FOXP1: variants seen among roughly 807,000 people sequenced by gnomAD.
FOXP1 encodes forkhead box protein P1.
Under a neutral mutation model 98.2 loss-of-function variants are expected in FOXP1, and 15 were observed. The ratio of observed to expected loss-of-function variants is 0.15; its 90% confidence interval spans 0.10 to 0.24. The LOEUF (loss-of-function observed/expected upper bound fraction) is 0.24, where lower values mean the gene tolerates loss of function less well. Ranked by LOEUF, FOXP1 falls within the 10% of genes least tolerant of loss-of-function variation. The probability of loss-of-function intolerance (pLI) is 1.00; values close to 1 mark genes in which losing one functional copy is unlikely to be tolerated. For missense variants in FOXP1, 633 were observed against 848.5 expected (o/e 0.75, Z 3.15); for synonymous variants, 371 against 314.5 (o/e 1.18, Z -1.90).
intron 6 of FOXP1, among the ~76,000 whole-genome samples, chr3:71,169,984 G>T (rs1214611388): frequency 6.6e-6 from 1 of 152,006 alleles, no homozygotes; most frequent in African/African-American, 2.4e-5. Flanking sequence ...AAAAAGAAAA[G>T]ATAATCACGA....
chr3:71,335,140 C>T (rs1021950668), intron 4 of FOXP1: 2 of 151,908 alleles, frequency 1.3e-5, no homozygotes, highest in Admixed American at 6.6e-5. Context: ...AAATCATTAG[C>T]CAGGCATGGT....
At chr3:70,975,179 T>C (rs1223958472) in intron 17 of FOXP1, among the ~76,000 whole-genome samples, 1 of 152,248 alleles carries the variant, frequency 6.6e-6, no homozygotes, top group African/African-American at 2.4e-5. Flanking sequence ...TTAAATATTA[T>C]ATTCACAACT....
intron 5 of FOXP1, among the ~76,000 whole-genome samples, chr3:71,284,062 T>A (rs1459303531): frequency 2.6e-5 from 4 of 152,170 alleles, no homozygotes; most frequent in South Asian, 2.1e-4. Flanking sequence ...TAAAAATTTT[T>A]AAAAATAAGA....
chr3:71,433,706 G>GCTAGC (rs1005079770), intron 3 of FOXP1, among the ~76,000 whole-genome samples: 2 of 152,154 alleles, frequency 1.3e-5, no homozygotes, highest in African/African-American at 4.8e-5. Flanking sequence ...CTGGAACCCT[G>GCTAGC]CTAGCCTGTT....
At chr3:71,110,094 C>T (rs1169620992) in intron 7 of FOXP1, among the ~76,000 whole-genome samples, 1 of 152,066 alleles carries the variant, frequency 6.6e-6, no homozygotes, top group Non-Finnish European at 1.5e-5. Flanking sequence ...AAACGGAGCC[C>T]TCTATATCAT....
intron 2 of FOXP1, among the ~76,000 whole-genome samples, chr3:71,514,113 A>G (rs1305333295): frequency 6.6e-6 from 1 of 152,098 alleles, no homozygotes; most frequent in East Asian, 1.9e-4. Flanking sequence ...TATGGCCCCA[A>G]CTGGCTCTCA....
chr3:71,448,353 A>G (rs2086643507), intron 3 of FOXP1, among the ~76,000 whole-genome samples: 2 of 152,220 alleles, frequency 1.3e-5, no homozygotes, highest in African/African-American at 4.8e-5. Flanking sequence ...CTGCAAAGAA[A>G]GGCTGTTGAC....
chr3:71,140,327 G>A (rs560779830), intron 6 of FOXP1, among the ~76,000 whole-genome samples: 5 of 152,248 alleles, frequency 3.3e-5, no homozygotes, highest in South Asian at 4.1e-4. Context: ...AGATTTGATC[G>A]CATTTATGAC....
intron 3 of FOXP1, among the ~76,000 whole-genome samples, chr3:71,427,592 T>C (rs2084279949): frequency 6.6e-6 from 1 of 152,122 alleles, no homozygotes; most frequent in African/African-American, 2.4e-5. Flanking sequence ...GAGGGACATA[T>C]AAAGGCAGAG....
At chr3:71,277,307 C>T (rs181047548) in intron 5 of FOXP1, among the ~76,000 whole-genome samples, 94 of 148,546 alleles carry the variant, frequency 6.3e-4, no homozygotes, top group Admixed American at 3.4e-3. Context: ...TGAGAACATG[C>T]GGTGTTTAAC....
chr3:71,068,839 AAGG>A (rs1272516832), intron 7 of FOXP1, among the ~76,000 whole-genome samples: 1 of 152,180 alleles, frequency 6.6e-6, no homozygotes, highest in Non-Finnish European at 1.5e-5. Context: ...GCCTCCCCAG[AAGG>A]AGGACTGCTT....
chr3:71,506,147 C>G (rs1002427799), intron 2 of FOXP1, among the ~76,000 whole-genome samples: 1 of 152,134 alleles, frequency 6.6e-6, no homozygotes, highest in Non-Finnish European at 1.5e-5. Flanking sequence ...CAAATATATC[C>G]CAGGTTGCAA....
chr3:71,048,976 A>T (rs1180880862), intron 9 of FOXP1, among the ~76,000 whole-genome samples: 1 of 152,184 alleles, frequency 6.6e-6, no homozygotes, highest in Non-Finnish European at 1.5e-5. Context: ...AGGATATAAA[A>T]GTATACAAGG....
At chr3:71,274,832 G>A (rs538636014) in intron 5 of FOXP1, among the ~76,000 whole-genome samples, 2 of 152,272 alleles carry the variant, frequency 1.3e-5, no homozygotes, top group East Asian at 3.9e-4. Context: ...TAAAAGCAAG[G>A]ATTTAAAAGA....
chr3:71,077,997 T>C (rs1205066349), intron 7 of FOXP1, among the ~76,000 whole-genome samples: 1 of 152,166 alleles, frequency 6.6e-6, no homozygotes, highest in Non-Finnish European at 1.5e-5. Context: ...CACGCTTGGC[T>C]AATTTTGTAT....
intron 5 of FOXP1, among the ~76,000 whole-genome samples, chr3:71,209,582 C>T (rs2064301778): frequency 6.6e-6 from 1 of 152,172 alleles, no homozygotes; most frequent in African/African-American, 2.4e-5. Context: ...CTCAGGGGTT[C>T]ATTCTGTCAG....
chr3:71,528,709 G>A (rs1284862495), intron 2 of FOXP1, among the ~76,000 whole-genome samples: 1 of 152,186 alleles, frequency 6.6e-6, no homozygotes, highest in Non-Finnish European at 1.5e-5. Context: ...ACAAGAAAAA[G>A]AGAGGAATAT....
chr3:71,154,479 C>T (rs2060724359), intron 6 of FOXP1, among the ~76,000 whole-genome samples: 1 of 152,302 alleles, frequency 6.6e-6, no homozygotes, highest in South Asian at 2.1e-4. Context: ...GGAAGTATCT[C>T]ACATATACAC....
chr3:71,120,856 G>C (rs831452), intron 6 of FOXP1, among the ~76,000 whole-genome samples: 46,880 of 151,930 alleles, frequency 0.31, 7,774 homozygotes, highest in East Asian at 0.61. Flanking sequence ...TAAGCTACAC[G>C]TAGGGTGGTT....
Sources: allele counts gnomAD v4.1 joint callset (sites outside exome capture counted in the v4.1 genomes callset), GRCh38; gene constraint gnomAD v4.1.1; transcripts MANE v1.5; gene names NCBI Gene and HGNC (gene_info 2026-07-23, HGNC 2026-07-21).